Variants in C19orf18 observed in about 807,000 individuals in gnomAD.
C19orf18 encodes uncharacterized protein C19orf18.
In C19orf18, 21 loss-of-function variants were observed where a neutral mutation model predicts 23.3. The observed-to-expected ratio is 0.90, with a 90% CI of 0.64 to 1.30. The LOEUF is 1.30. C19orf18 is among the 50% of genes most tolerant of loss of function. The pLI, the probability that C19orf18 is intolerant of heterozygous loss-of-function variation, is 0.00. For missense variants in C19orf18, 249 were observed against 259.6 expected (o/e 0.96, Z 0.28); for synonymous variants, 96 against 95.2 (o/e 1.01, Z -0.05).
intron 5 of C19orf18, 71 bp from the exon 6 acceptor site, chr19:57,958,788 G>A (rs2072846621): frequency 8.6e-6 from 7 of 818,478 alleles, no homozygotes; most frequent in South Asian, 1.9e-5. Flanking sequence ...AAGGGGTGAG[G>A]GAAAAAGCCT....
intron 3 of C19orf18, among the ~76,000 whole-genome samples, chr19:57,971,161 C>T (rs958820833): frequency 2.6e-5 from 4 of 152,142 alleles, no homozygotes; most frequent in South Asian, 4.1e-4. Context: ...TTCTGTATTT[C>T]CTGATACTTT....
chr19:57,969,268 A>G (rs2072927570), intron 3 of C19orf18, among the ~76,000 whole-genome samples: 1 of 152,162 alleles, frequency 6.6e-6, no homozygotes, highest in Non-Finnish European at 1.5e-5. Context: ...GTTAAAAAGT[A>G]ATTGCCAGCC....
intron 3 of C19orf18, among the ~76,000 whole-genome samples, chr19:57,969,850 C>T (rs560887445): frequency 5.2e-5 from 7 of 135,752 alleles, no homozygotes; most frequent in South Asian, 2.2e-4. Context: ...CCAGGCTGGG[C>T]GACAAGATAC....
At position 57,969,039 on chromosome 19, in the gene C19orf18, T is replaced by G. The variant is rs1215772953; in HGVS notation, c.269-2407A>C. 3.9e-5 allele frequency among the ~76,000 whole-genome samples: 6 copies of G among 152,106 alleles called. No individual in the cohort carries two copies. In the East Asian group the frequency reaches 1.2e-3, roughly 29 times the overall value. On this transcript the variant is annotated intron_variant, in intron 3 of 5. Coordinates refer to ENST00000314391, the MANE Select transcript of C19orf18 (RefSeq NM_152474.5). ...CAGAGTACCTGCCATGCCTCACCCA[T>G]TCCTTCCCTCAGAAACCCCAGTAGA... is the stretch of plus-strand genomic sequence containing the variant.
intron 5 of C19orf18, 116 bp downstream of exon 5, chr19:57,961,266 GAAAGAAAGA>G: frequency 9.5e-7 from 1 of 1,053,274 alleles, no homozygotes; most frequent in Non-Finnish European, 1.3e-6. Context: ...AAGGAAGGAA[GAAAGAAAGA>G]AAGGAAAGAA....
rs557095674 is a variant in C19orf18, at chr19:57,966,397, T to C, written c.371+133A>G. The C allele has an allele frequency of 1.6e-3, 938 of 600,426 alleles. No homozygotes were observed. The highest frequency in any genetic ancestry group is 2.3e-3 in the Non-Finnish European group (798 of 350,516). The allele number at this position is 600,426 out of a possible 1,614,324, so 37.2% of individuals were successfully genotyped here. On this transcript the variant is annotated intron_variant, in intron 4 of 5. Transcript: ENST00000314391. ...CAATCCACATGTTGAAAAACACTAA[T>C]CTGGAAATTTATAATGACCAATACT... is the stretch of plus-strand genomic sequence containing the variant.
At chr19:57,969,003 C>A (rs993480396) in intron 3 of C19orf18, among the ~76,000 whole-genome samples, 14 of 152,104 alleles carry the variant, frequency 9.2e-5, no homozygotes, top group Non-Finnish European at 2.1e-4. Context: ...CTATTCAAAT[C>A]TATATTTGCT....
At chr19:57,971,358 C>G (rs2072943424) in intron 3 of C19orf18, among the ~76,000 whole-genome samples, 1 of 152,088 alleles carries the variant, frequency 6.6e-6, no homozygotes, top group African/African-American at 2.4e-5. Context: ...CCCCAACCAC[C>G]CCAGGGCCAG....
At chr19:57,964,221 T>G (rs2072893276) in intron 4 of C19orf18, among the ~76,000 whole-genome samples, 1 of 152,214 alleles carries the variant, frequency 6.6e-6, no homozygotes, top group Non-Finnish European at 1.5e-5. Flanking sequence ...TGAGTTGCAT[T>G]ACAAAACTTT....
intron 4 of C19orf18, 28 bp from the exon 5 acceptor site, chr19:57,961,579 A>T: frequency 6.3e-7 from 1 of 1,589,782 alleles, no homozygotes; most frequent in Non-Finnish European, 8.5e-7. Flanking sequence ...TGAATTTAGA[A>T]GCACAGTTTT....
intron 4 of C19orf18, among the ~76,000 whole-genome samples, chr19:57,962,634 T>C (rs1568566205): frequency 1.3e-5 from 2 of 152,096 alleles, no homozygotes; most frequent in Non-Finnish European, 2.9e-5. Context: ...GGCGGGCAGA[T>C]TACCTGAGGT....
chr19:57,964,327 G>A (rs2072893949), intron 4 of C19orf18, among the ~76,000 whole-genome samples: 1 of 152,142 alleles, frequency 6.6e-6, no homozygotes, highest in South Asian at 2.1e-4. Flanking sequence ...TGTCGCCCAG[G>A]AGGAAGTGCA....
chr19:57,969,566 G>GGAAAAAAAAA (rs2072930123), intron 3 of C19orf18, among the ~76,000 whole-genome samples: 1 of 46,498 alleles, frequency 2.2e-5, no homozygotes, highest in African/African-American at 9.5e-5. Flanking sequence ...AAAAAAAACA[G>GGAAAAAAAAA]AAAAAAAAAA....
At chr19:57,965,520 C>T (rs770610998) in intron 4 of C19orf18, among the ~76,000 whole-genome samples, 18 of 152,282 alleles carry the variant, frequency 1.2e-4, no homozygotes, top group South Asian at 2.1e-4. Flanking sequence ...CCAAGGTAGG[C>T]GGATCACCTG....
At position 57,972,403 on chromosome 19, in the gene C19orf18, C is replaced by T. The variant is rs755550384; in HGVS notation, c.268+60G>A. On this transcript the variant is annotated intron_variant, in intron 3 of 5. Coordinates refer to ENST00000314391, the MANE Select transcript of C19orf18 (RefSeq NM_152474.5). Reference sequence around the variant, plus strand: ...CCAGCCAGCACCCTCTGGAGCCACACATCACGACAGCTTCAGGAATGTTGC... The same window carrying T: ...CCAGCCAGCACCCTCTGGAGCCACATATCACGACAGCTTCAGGAATGTTGC... 5 of 1,589,348 alleles carry T rather than the reference C, an allele frequency of 3.1e-6. No homozygotes were observed. The East Asian group carries it at 8.9e-5, about 28-fold the overall frequency.
chr19:57,963,556 G>A (rs1255545726), intron 4 of C19orf18, among the ~76,000 whole-genome samples: 1 of 151,990 alleles, frequency 6.6e-6, no homozygotes, highest in Non-Finnish European at 1.5e-5. Flanking sequence ...TTTAATAATT[G>A]AAAACTGGTG....
At position 57,973,145 on chromosome 19, in the gene C19orf18, C is replaced by CAAA. The variant is rs61625681; in HGVS notation, c.227-644_227-642dup. ...TGGGTGACAGAGTGAGACTCCGTCTCAAAAAAAAAAAAAAAAAAAAAAAAA... is the reference window on the plus strand; with the variant it reads ...TGGGTGACAGAGTGAGACTCCGTCTCAAAAAAAAAAAAAAAAAAAAAAAAAAAA... On this transcript the variant is annotated intron_variant, in intron 2 of 5. Transcript: ENST00000314391. Among the ~76,000 whole-genome samples, 5 of 24,186 alleles carry CAAA rather than the reference C, an allele frequency of 2.1e-4. 2 individuals are homozygous for CAAA. The highest frequency in any genetic ancestry group is 5.6e-4 in the African/African-American group (4 of 7,138). The allele number at this position is 24,186 out of a possible 152,430, so 15.9% of individuals were successfully genotyped here.
chr19:57,965,116 AT>A (rs151105768), intron 4 of C19orf18, among the ~76,000 whole-genome samples: 35 of 74,522 alleles, frequency 4.7e-4, no homozygotes, highest in South Asian at 6.6e-4. Flanking sequence ...AGTTCTTTTT[AT>A]TTTATTTATT....
At position 57,974,091 on chromosome 19, in the gene C19orf18, T is replaced by C. The variant is rs775919353; in HGVS notation, c.226+8A>G. On this transcript the variant is annotated splice_region_variant and intron_variant, in intron 2 of 5. Transcript: ENST00000314391. ...TCACTCCACTGAATGAGGAATTCAATGACTCACCCGTGGATCTCGAGGCAG... is the reference window on the plus strand; with the variant it reads ...TCACTCCACTGAATGAGGAATTCAACGACTCACCCGTGGATCTCGAGGCAG... 1.4e-4 allele frequency: 221 copies of C among 1,611,838 alleles called. 3 individuals are homozygous for C. In the South Asian group the frequency reaches 1.8e-3, roughly 13 times the overall value.
Sources: gnomAD v4.1 joint callset for allele counts (sites outside exome capture counted in the v4.1 genomes callset) on GRCh38, gnomAD v4.1.1 for gene constraint, MANE v1.5 for transcripts, NCBI Gene and HGNC (gene_info 2026-07-23, HGNC 2026-07-21) for gene names.